The following SASH1 variants were observed in gnomAD, a reference collection of about 807,000 sequenced individuals.
SASH1 encodes SAM and SH3 domain containing 1, also known as SAM and SH3 domain-containing protein 1.
SASH1 carries 44 observed loss-of-function variants against 125.2 expected under a neutral mutation model. The observed-to-expected ratio is 0.35, with a 90% CI of 0.28 to 0.45. The LOEUF (loss-of-function observed/expected upper bound fraction) is 0.45. SASH1 is among the 20% of genes least tolerant of loss of function. The probability of loss-of-function intolerance (pLI) is 1.00; values close to 1 mark genes in which losing one functional copy is unlikely to be tolerated. For synonymous variants in SASH1, 639 were observed against 649.1 expected (o/e 0.98, Z 0.24); for missense variants, 1,426 against 1,614.5 (o/e 0.88, Z 2.00).
At chr6:148,406,332 G>T (rs191016941) in intron 2 of SASH1, among the ~76,000 whole-genome samples, 25 of 151,538 alleles carry the variant, frequency 1.6e-4, no homozygotes, top group African/African-American at 6.0e-4. Context: ...TTTCTGAGCT[G>T]CAAGAGATAA....
At chr6:148,454,605 G>A (rs1383142561) in intron 4 of SASH1, among the ~76,000 whole-genome samples, 1 of 152,154 alleles carries the variant, frequency 6.6e-6, no homozygotes, top group African/African-American at 2.4e-5. Flanking sequence ...GGGGGAATGG[G>A]TGGTGGAGCC....
intron 19 of SASH1, among the ~76,000 whole-genome samples, chr6:148,548,020 GTA>G (rs1782661885): frequency 6.6e-6 from 1 of 152,206 alleles, no homozygotes; most frequent in South Asian, 2.1e-4. Flanking sequence ...AGCAGAATAT[GTA>G]AATGCTTATA....
intron 12 of SASH1, 83 bp from the exon 13 acceptor site, chr6:148,531,443 G>A (rs957305265): frequency 1.4e-5 from 17 of 1,255,550 alleles, no homozygotes; most frequent in Middle Eastern, 2.0e-4. Flanking sequence ...GATTGATTTC[G>A]TTGAAGGCCA....
rs568826102 is a variant in SASH1, at chr6:148,519,181, AGATC to A, written c.863-365_863-362del. Among the ~76,000 whole-genome samples, 3 of 152,360 alleles carry A rather than the reference AGATC, an allele frequency of 2.0e-5. No homozygotes were observed. The highest frequency in any genetic ancestry group is 4.1e-4 in the South Asian group (2 of 4,826). On this transcript the variant is annotated intron_variant, in intron 9 of 19. Coordinates refer to ENST00000367467, the MANE Select transcript of SASH1 (RefSeq NM_015278.5). This position sits in a 1 kb window ranked among gnomAD's most constrained non-coding sequence, Gnocchi z 4.8. ...AAGGAGTGCCTTTCAGAAGGGGGAA[AGATC>A]CTGATTCCTAGTTTCAGAGGGTTGC...
chr6:148,458,235 G>A lies in SASH1; in HGVS notation c.387-10310G>A, dbSNP rs117827603. ...TCCAGGAGGGATAATGGGAAGAGCC[G>A]GGCAAAAGGCATGTAGATGGAGTAA... On this transcript the variant is annotated intron_variant, in intron 4 of 19. Coordinates refer to ENST00000367467, the MANE Select transcript of SASH1 (RefSeq NM_015278.5). Among the ~76,000 whole-genome samples, 176 of 152,262 alleles carry A rather than the reference G, an allele frequency of 1.2e-3. 3 individuals are homozygous for A. In the East Asian group the frequency reaches 0.027, roughly 23 times the overall value.
Position 148,533,054 on chromosome 6 carries a change from GCTA to G in SASH1, c.1734+92_1734+94del. 4.3e-6 allele frequency: 6 copies of G among 1,409,562 alleles called. No individual in the cohort carries two copies. In the South Asian group the frequency reaches 7.3e-5, roughly 17 times the overall value. The allele number at this position is 1,409,562 out of a possible 1,614,324, so 87.3% of individuals were successfully genotyped here. ...TTTCCTCCTCACTGTTGAATGCTGG[GCTA>G]CTATGGTACAGACTGGACAGTATCT... On this transcript the variant is annotated intron_variant, in intron 14 of 19. Coordinates refer to ENST00000367467, the MANE Select transcript of SASH1 (RefSeq NM_015278.5). The surrounding 1 kb of genome is among the most constrained non-coding windows in gnomAD (Gnocchi z 6.2).
intron 2 of SASH1, among the ~76,000 whole-genome samples, chr6:148,390,704 C>T (rs1199712122): frequency 4.6e-5 from 7 of 151,144 alleles, no homozygotes; most frequent in African/African-American, 1.7e-4. Flanking sequence ...AGGAGACTGG[C>T]GTGAACCTGG....
At chr6:148,431,417 T>C (rs1275264291) in intron 2 of SASH1, among the ~76,000 whole-genome samples, 1 of 152,100 alleles carries the variant, frequency 6.6e-6, no homozygotes. Flanking sequence ...CAGGCTGGTC[T>C]CAAACTCATG....
intron 2 of SASH1, among the ~76,000 whole-genome samples, chr6:148,396,682 G>A (rs1187472862): frequency 6.6e-6 from 1 of 152,046 alleles, no homozygotes; most frequent in African/African-American, 2.4e-5. Context: ...TCTCCAAGCT[G>A]GAGGAAGAGC....
At chr6:148,429,773 C>CA (rs1353519358) in intron 2 of SASH1, among the ~76,000 whole-genome samples, 1 of 144,614 alleles carries the variant, frequency 6.9e-6, no homozygotes, top group African/African-American at 2.6e-5. Flanking sequence ...AACAAACAAA[C>CA]AAAAAAATCA....
chr6:148,471,925 T>C (rs1224267916), intron 6 of SASH1, among the ~76,000 whole-genome samples: 10 of 152,226 alleles, frequency 6.6e-5, no homozygotes, highest in Admixed American at 6.5e-4. Flanking sequence ...GATGCTCTTC[T>C]GCAGCGGGAC....
chr6:148,530,088 A>T (rs996813377), intron 12 of SASH1, among the ~76,000 whole-genome samples: 2 of 152,136 alleles, frequency 1.3e-5, no homozygotes, highest in African/African-American at 4.8e-5. Flanking sequence ...TACAGGCATG[A>T]GCCACTGCGC....
chr6:148,464,201 G>T (rs1777738062), intron 4 of SASH1, among the ~76,000 whole-genome samples: 1 of 152,102 alleles, frequency 6.6e-6, no homozygotes, highest in Non-Finnish European at 1.5e-5. Flanking sequence ...AGCAGTTTAG[G>T]GATCTTGAGG....
At chr6:148,314,513 T>C (rs1235704126) in intron 1 of SASH1, among the ~76,000 whole-genome samples, 1 of 152,134 alleles carries the variant, frequency 6.6e-6, no homozygotes, top group Non-Finnish European at 1.5e-5. Context: ...GCTGAATGCA[T>C]TATGTTGTGC....
At chr6:148,264,201 C>CTTGTGA in the SASH1 span, among the ~76,000 whole-genome samples, 2 of 138,478 alleles carry the variant, frequency 1.4e-5, no homozygotes, top group Non-Finnish European at 3.1e-5. Context: ...AAAAAAAGGT[C>CTTGTGA]TTGTGAAATG....
intron 2 of SASH1, among the ~76,000 whole-genome samples, chr6:148,412,121 A>C: frequency 6.6e-6 from 1 of 152,320 alleles, no homozygotes. Context: ...ATATATATGT[A>C]TTTGAAGATG....
At chr6:148,205,901 T>A in the SASH1 span, among the ~76,000 whole-genome samples, 2 of 152,148 alleles carry the variant, frequency 1.3e-5, no homozygotes, top group Non-Finnish European at 2.9e-5. Context: ...CCACTGTGGG[T>A]GCAGCTGAGC....
At chr6:148,542,851 AGTGTGTGTGTGT>A (rs56094441) in intron 17 of SASH1, among the ~76,000 whole-genome samples, 13 of 149,374 alleles carry the variant, frequency 8.7e-5, no homozygotes, top group African/African-American at 3.2e-4. Context: ...AACAAGGGAC[AGTGTGTGTGTGT>A]GTGTGTGTGT....
intron 7 of SASH1, among the ~76,000 whole-genome samples, chr6:148,474,478 G>T (rs1778254617): frequency 1.3e-5 from 2 of 152,200 alleles, no homozygotes; most frequent in Non-Finnish European, 2.9e-5. Context: ...GAATGCAGCT[G>T]CAAAATTCAC....
Sources: allele counts gnomAD v4.1 joint callset (sites outside exome capture counted in the v4.1 genomes callset), GRCh38; gene constraint gnomAD v4.1.1; non-coding constraint Gnocchi (gnomAD v3.1); transcripts MANE v1.5; gene names NCBI Gene and HGNC (gene_info 2026-07-23, HGNC 2026-07-21).